The following PSD2 variants were observed in gnomAD, a reference collection of about 807,000 sequenced individuals.
PSD2 encodes pleckstrin and Sec7 domain containing 2.
PSD2 carries 38 observed loss-of-function variants against 69.8 expected under a neutral mutation model. The ratio of observed to expected loss-of-function variants is 0.54; its 90% CI spans 0.42 to 0.71. The LOEUF (loss-of-function observed/expected upper bound fraction) is 0.71, where lower values mean the gene tolerates loss of function less well. Ranked by LOEUF, PSD2 falls within the 30% of genes least tolerant of loss-of-function variation. The probability of loss-of-function intolerance (pLI) is 0.00; values close to 1 mark genes in which losing one functional copy is unlikely to be tolerated. For missense variants in PSD2, 943 were observed against 1,014.5 expected (o/e 0.93, Z 0.96); for synonymous variants, 412 against 423.0 (o/e 0.97, Z 0.32).
At chr5:139,791,668 CT>C (rs1382985596), upstream of PSD2, among the ~76,000 whole-genome samples, 1 of 152,170 alleles carries the variant, frequency 6.6e-6, no homozygotes, top group Non-Finnish European at 1.5e-5. Context: ...ATCTCTTCCC[CT>C]GACAGATACA....
At chr5:139,748,760 C>G in the PSD2 span, among the ~76,000 whole-genome samples, 1 of 152,246 alleles carries the variant, frequency 6.6e-6, no homozygotes, top group African/African-American at 2.4e-5. Flanking sequence ...GTCTCGGCTC[C>G]GCGGCCACCG....
chr5:139,743,442 T>G, the PSD2 span, among the ~76,000 whole-genome samples: 1 of 151,964 alleles, frequency 6.6e-6, no homozygotes, highest in Non-Finnish European at 1.5e-5. Flanking sequence ...AATGTGTGTT[T>G]GGTGTGAGTG....
intron 7 of PSD2, among the ~76,000 whole-genome samples, chr5:139,823,606 C>A (rs1383949042): frequency 1.3e-5 from 2 of 151,990 alleles, no homozygotes; most frequent in South Asian, 4.2e-4. Context: ...TGATCCCGGG[C>A]AAGCACTGGC....
At chr5:139,788,091 T>C in the PSD2 span, among the ~76,000 whole-genome samples, 1 of 152,130 alleles carries the variant, frequency 6.6e-6, no homozygotes, top group Non-Finnish European at 1.5e-5. Context: ...CGCGGAAGAC[T>C]CCGCGCAGTG....
In PSD2 at chr5:139,817,462, T is replaced by A; in HGVS notation, c.1017-19T>A. The A allele has an allele frequency of 1.9e-6, 3 of 1,609,636 alleles. No homozygotes were observed. The highest frequency in any genetic ancestry group is 2.6e-6 in the Non-Finnish European group (3 of 1,175,966). On this transcript the variant is annotated intron_variant, in intron 4 of 14. Transcript: ENST00000274710. ...GGCTGGACCCTGCTTCTAACAGACA[T>A]CCCATACTCTCCTGGCAGCAACGAG...
chr5:139,751,328 A>G, the PSD2 span, among the ~76,000 whole-genome samples: 1 of 151,650 alleles, frequency 6.6e-6, no homozygotes, highest in African/African-American at 2.4e-5. Flanking sequence ...TCTGCCAGCT[A>G]CTCTTGGTTC....
chr5:139,750,167 T>C, the PSD2 span, among the ~76,000 whole-genome samples: 1 of 151,264 alleles, frequency 6.6e-6, no homozygotes, highest in East Asian at 1.9e-4. Flanking sequence ...CTACTAAAAA[T>C]ACAAAAAAAT....
At chr5:139,828,869 G>A (rs1219252479) in intron 7 of PSD2, among the ~76,000 whole-genome samples, 1 of 152,162 alleles carries the variant, frequency 6.6e-6, no homozygotes, top group Non-Finnish European at 1.5e-5. Flanking sequence ...TTGAGGAGAT[G>A]GTCACCCTGG....
the PSD2 span, among the ~76,000 whole-genome samples, chr5:139,768,841 A>T: frequency 6.6e-6 from 1 of 152,162 alleles, no homozygotes; most frequent in South Asian, 2.1e-4. Context: ...CATGCCTCTC[A>T]GTCCCTCCAC....
the PSD2 span, among the ~76,000 whole-genome samples, chr5:139,746,554 C>G: frequency 6.6e-6 from 1 of 152,168 alleles, no homozygotes; most frequent in Non-Finnish European, 1.5e-5. This position sits in a 1 kb window ranked among gnomAD's most constrained non-coding sequence, Gnocchi z 4.5. Context: ...GGTACAGAAT[C>G]CCCCGCGGGG....
At chr5:139,776,310 C>G in the PSD2 span, among the ~76,000 whole-genome samples, 1 of 152,364 alleles carries the variant, frequency 6.6e-6, no homozygotes, top group Non-Finnish European at 1.5e-5. Flanking sequence ...AACCCAGCAG[C>G]CTCCCTCCCC....
upstream of PSD2, among the ~76,000 whole-genome samples, chr5:139,791,601 G>C (rs921243104): frequency 6.6e-6 from 1 of 151,962 alleles, no homozygotes; most frequent in African/African-American, 2.4e-5. Context: ...GCTGGCCTGA[G>C]ACCCTCTCTC....
chr5:139,752,747 C>T, the PSD2 span, among the ~76,000 whole-genome samples: 1 of 152,224 alleles, frequency 6.6e-6, no homozygotes, highest in Non-Finnish European at 1.5e-5. Context: ...CACGTAGGCA[C>T]ACACAAGCTC....
At chr5:139,746,239 G>T in the PSD2 span, 5 of 152,200 alleles carry the variant, frequency 3.3e-5, no homozygotes, top group African/African-American at 1.2e-4. The surrounding 1 kb of genome is among the most constrained non-coding windows in gnomAD (Gnocchi z 4.5). Context: ...CCAGCGGGGG[G>T]CTTTTCGTTC....
intron 9 of PSD2, among the ~76,000 whole-genome samples, chr5:139,836,396 G>A (rs1760718437): frequency 6.6e-6 from 1 of 152,206 alleles, no homozygotes; most frequent in African/African-American, 2.4e-5. Context: ...TGGGGGCCCA[G>A]GCTTCAGGGC....
the PSD2 span, among the ~76,000 whole-genome samples, chr5:139,764,543 C>T: frequency 6.6e-6 from 1 of 152,278 alleles, no homozygotes; most frequent in South Asian, 2.1e-4. Context: ...GACCCCGTTG[C>T]CAGGAGCAGT....
chr5:139,827,332 G>C (rs1356553361), intron 7 of PSD2, among the ~76,000 whole-genome samples: 1 of 152,214 alleles, frequency 6.6e-6, no homozygotes, highest in East Asian at 1.9e-4. Context: ...ATGTGGCTGT[G>C]GTTATAGACA....
chr5:139,785,874 A>T, the PSD2 span, among the ~76,000 whole-genome samples: 2 of 152,342 alleles, frequency 1.3e-5, no homozygotes, highest in Non-Finnish European at 2.9e-5. Context: ...AGATCGCTTG[A>T]GGTCAGAAGT....
rs1415438266 is a variant in PSD2, at chr5:139,813,374, A to G, written c.437A>G (p.Glu146Gly). 4.4e-6 allele frequency: 7 copies of G among 1,598,380 alleles called. No individual in the cohort carries two copies. Among genetic ancestry groups the G allele is most frequent in the Non-Finnish European group, 6.0e-6 (7 of 1,167,910 alleles). ...GFSATFEKIL[E>G]SELLRGTQYS... ...AGCGCCACGTTTGAGAAGATTCTGG[A>G]GTCAGAGCTGCTGCGGGGCACCCAG... Residue 146 changes from glutamate (E) to glycine (G), a missense_variant, in exon 3 of 15, where the codon GAG becomes GGG. Glu to Gly is a moderately conservative substitution (Grantham distance 98). Coordinates refer to ENST00000274710, the MANE Select transcript of PSD2 (RefSeq NM_032289.4).
Sources: gnomAD v4.1 joint callset for allele counts (sites outside exome capture counted in the v4.1 genomes callset) on GRCh38, gnomAD v4.1.1 for gene constraint, Gnocchi (gnomAD v3.1) non-coding constraint, MANE v1.5 for transcripts, NCBI Gene and HGNC (gene_info 2026-07-23, HGNC 2026-07-21) for gene names.